Variants in CSMD1 observed in about 807,000 individuals in gnomAD.
CSMD1 encodes CUB and Sushi multiple domains 1.
Under a neutral mutation model 417.5 loss-of-function variants are expected in CSMD1, and 213 were observed. The observed-to-expected ratio is 0.51, with a 90% CI of 0.46 to 0.57. CSMD1 has a LOEUF of 0.57. CSMD1 is among the 20% of genes least tolerant of loss of function. The probability of loss-of-function intolerance (pLI) is 0.00; values close to 1 mark genes in which losing one functional copy is unlikely to be tolerated. For synonymous variants in CSMD1, 2,862 were observed against 1,736.8 expected, an observed-to-expected ratio of 1.65 and a Z score of -16.11; for missense variants, 6,923 against 4,529.7, an observed-to-expected ratio of 1.53 and a Z score of -15.17.
At chr8:3,799,524 G>C (rs1800346466) in intron 5 of CSMD1, among the ~76,000 whole-genome samples, 1 of 150,034 alleles carries the variant, frequency 6.7e-6, no homozygotes, top group Non-Finnish European at 1.5e-5. Context: ...TGTAACATTA[G>C]GTAAAATGGA....
intron 3 of CSMD1, among the ~76,000 whole-genome samples, chr8:4,246,281 T>G (rs1482346968): frequency 1.3e-5 from 2 of 152,152 alleles, no homozygotes; most frequent in African/African-American, 4.8e-5. Context: ...CTATTTGGTT[T>G]TCTGTTCCTG....
chr8:3,385,257 A>T (rs947221221), intron 18 of CSMD1, among the ~76,000 whole-genome samples: 1 of 149,190 alleles, frequency 6.7e-6, no homozygotes, highest in African/African-American at 2.5e-5. Context: ...GTATGTATAC[A>T]TGTGTATGTA....
At chr8:4,041,978 A>C (rs1259966731) in intron 3 of CSMD1, among the ~76,000 whole-genome samples, 1 of 152,172 alleles carries the variant, frequency 6.6e-6, no homozygotes, top group East Asian at 1.9e-4. Flanking sequence ...AGAAAAAAGA[A>C]AGATTTCCAA....
intron 3 of CSMD1, among the ~76,000 whole-genome samples, chr8:4,305,257 C>A (rs1798184233): frequency 1.3e-5 from 2 of 152,152 alleles, no homozygotes; most frequent in Admixed American, 6.6e-5. Context: ...CTAAATCGGC[C>A]ATTTCCAATG....
At chr8:3,471,941 G>C (rs368364763) in intron 11 of CSMD1, among the ~76,000 whole-genome samples, 8 of 152,078 alleles carry the variant, frequency 5.3e-5, no homozygotes, top group Non-Finnish European at 8.8e-5. Context: ...GTCGAGGAGA[G>C]TGTTTTCCCT....
At chr8:4,229,246 A>G (rs1585060189) in intron 3 of CSMD1, among the ~76,000 whole-genome samples, 2 of 152,158 alleles carry the variant, frequency 1.3e-5, no homozygotes, top group South Asian at 4.1e-4. Context: ...GTCCTACTCA[A>G]AAGACGCTGA....
chr8:3,289,581 G>A (rs1448202862), intron 25 of CSMD1, among the ~76,000 whole-genome samples: 1 of 98,164 alleles, frequency 1.0e-5, no homozygotes, highest in Non-Finnish European at 2.4e-5. Flanking sequence ...GGCCGGTGAT[G>A]ATGAGCATTT....
At chr8:3,576,508 GT>G (rs1312481799) in intron 9 of CSMD1, among the ~76,000 whole-genome samples, 5 of 152,132 alleles carry the variant, frequency 3.3e-5, no homozygotes, top group Non-Finnish European at 5.9e-5. Flanking sequence ...CAACTGTTCA[GT>G]TGCTTCCTAC....
chr8:3,801,979 G>C (rs1800482488), intron 5 of CSMD1, among the ~76,000 whole-genome samples: 2 of 152,108 alleles, frequency 1.3e-5, no homozygotes, highest in African/African-American at 4.8e-5. Flanking sequence ...ACATTTTTTA[G>C]GGGTGATGAA....
rs2627373 is a variant in CSMD1, at chr8:3,991,153, T to C, written c.818+6750A>G. 7.5e-3 allele frequency among the ~76,000 whole-genome samples: 1,138 copies of C among 152,268 alleles called. 24 individuals are homozygous for C. In the East Asian group the frequency reaches 0.075, roughly 10 times the overall value. ...CTGGAAATTGGCCCCACAGTAGACA[T>C]TGTGGAGAGGGTGCCTAATCCACCC... is the stretch of plus-strand genomic sequence containing the variant. On this transcript the variant is annotated intron_variant, in intron 5 of 69. Coordinates refer to ENST00000635120, the MANE Select transcript of CSMD1 (RefSeq NM_033225.6).
chr8:3,223,711 T>C lies in CSMD1; in HGVS notation c.4484+18A>G, dbSNP rs1798337607. The C allele has an allele frequency of 6.2e-7, 1 of 1,612,878 alleles. No homozygotes were observed. The highest frequency in any genetic ancestry group is 1.3e-5 in the African/African-American group (1 of 75,020). ...TTAAAAATCCTACTAAAAAGAGGTA[T>C]TCTGCAAGAGACGGTACCTTTTGAA... On this transcript the variant is annotated intron_variant, in intron 28 of 69. Transcript: ENST00000635120.
At position 2,963,395 on chromosome 8, in the gene CSMD1, G is replaced by T; in HGVS notation, c.9281C>A (p.Ala3094Asp). ...RWNPSKPVCK[A>D]VLCPQPPPVQ... ...CGGCGGCGGCTGAGGACACAGCACGGCTATTTCCAAAGAACAAACAAGATC... is the reference window on the plus strand; with the variant it reads ...CGGCGGCGGCTGAGGACACAGCACGTCTATTTCCAAAGAACAAACAAGATC... The change falls in exon 60 of 70, where the codon GCC becomes GAC. Residue 3094 changes from alanine to aspartate, a missense_variant and splice_region_variant. Ala to Asp is a moderately radical substitution (Grantham distance 126). Coordinates refer to ENST00000635120, the MANE Select transcript of CSMD1 (RefSeq NM_033225.6). The T allele has an allele frequency of 6.2e-7, 1 of 1,613,290 alleles. No individual in the cohort carries two copies. The highest frequency in any genetic ancestry group is 8.5e-7 in the Non-Finnish European group (1 of 1,179,330).
intron 9 of CSMD1, 104 bp from the exon 10 acceptor site, chr8:3,575,170 T>TAAAAAAAAA: frequency 1.3e-6 from 1 of 772,178 alleles, no homozygotes. Context: ...CTAATCACAG[T>TAAAAAAAAA]AAAAAAAAAA....
At chr8:4,604,111 T>C (rs992814941) in intron 2 of CSMD1, among the ~76,000 whole-genome samples, 21 of 152,152 alleles carry the variant, frequency 1.4e-4, no homozygotes, top group African/African-American at 4.3e-4. Context: ...TTTTTATTCT[T>C]TTTCTTTCCA....
chr8:4,134,295 C>G (rs1188308552), intron 3 of CSMD1, among the ~76,000 whole-genome samples: 3 of 152,066 alleles, frequency 2.0e-5, no homozygotes, highest in African/African-American at 7.2e-5. Flanking sequence ...GAGGATAAAG[C>G]CTTTAGGTTG....
intron 3 of CSMD1, among the ~76,000 whole-genome samples, chr8:4,099,456 G>T (rs889501106): frequency 6.6e-6 from 1 of 151,968 alleles, no homozygotes; most frequent in Non-Finnish European, 1.5e-5. Flanking sequence ...CCATTCCTAA[G>T]CCTCCAACAA....
At chr8:4,844,090 G>C (rs554464972) in intron 1 of CSMD1, among the ~76,000 whole-genome samples, 8 of 152,138 alleles carry the variant, frequency 5.3e-5, no homozygotes, top group Non-Finnish European at 2.9e-5. Flanking sequence ...GAAAAATAAT[G>C]CATGAAGTGT....
intron 6 of CSMD1, among the ~76,000 whole-genome samples, chr8:3,747,981 C>T (rs977597464): frequency 1.3e-5 from 2 of 152,080 alleles, no homozygotes; most frequent in African/African-American, 4.8e-5. Context: ...CACCATGGTT[C>T]TCCAAGGTGG....
intron 5 of CSMD1, among the ~76,000 whole-genome samples, chr8:3,996,976 C>T (rs768373386): frequency 6.6e-5 from 10 of 152,076 alleles, no homozygotes; most frequent in East Asian, 1.9e-4. Context: ...TGCAACCTGC[C>T]GACATGTTCA....
Sources: allele counts gnomAD v4.1 joint callset (sites outside exome capture counted in the v4.1 genomes callset), GRCh38; gene constraint gnomAD v4.1.1; transcripts MANE v1.5; gene names NCBI Gene and HGNC (gene_info 2026-07-23, HGNC 2026-07-21).